The following RGN variants were observed in gnomAD, a reference collection of about 807,000 sequenced individuals.
The protein encoded by RGN is regucalcin.
RGN carries 19 observed loss-of-function variants against 20.6 expected under a neutral mutation model. The observed-to-expected ratio is 0.92, with a 90% CI of 0.64 to 1.35. The LOEUF (loss-of-function observed/expected upper bound fraction) is 1.35, where lower values mean the gene tolerates loss of function less well. Ranked by LOEUF, RGN falls within the 40% of genes most tolerant of loss-of-function variation. The pLI is 0.00. For synonymous variants in RGN, 85 were observed against 87.2 expected (o/e 0.97, Z 0.14); for missense variants, 302 against 232.7 (o/e 1.30, Z -1.94).
At chrX:47,090,905 GA>G (rs1556387334) in intron 5 of RGN, among the ~76,000 whole-genome samples, 41 of 38,623 alleles carry the variant, frequency 1.1e-3, no homozygotes, top group African/African-American at 3.1e-3. Context: ...AAGAAAGAAA[GA>G]AAGAAGAAGG....
At chrX:47,089,356 G>C (rs1395773802) in intron 4 of RGN, among the ~76,000 whole-genome samples, 38 of 5,164 alleles carry the variant, frequency 7.4e-3, no homozygotes, top group African/African-American at 0.015. Context: ...ATATATATAA[G>C]TATATATAAT....
At chrX:47,084,674 T>G in intron 4 of RGN, 74 bp downstream of exon 4, 1 of 946,117 alleles carries the variant, frequency 1.1e-6, no homozygotes, top group Non-Finnish European at 1.4e-6. Flanking sequence ...TTCTCACTAC[T>G]GACCAGGGTG....
intron 5 of RGN, among the ~76,000 whole-genome samples, chrX:47,090,819 C>A (rs781986437): frequency 9.9e-6 from 1 of 101,194 alleles, no homozygotes; most frequent in Non-Finnish European, 2.0e-5. Flanking sequence ...GCCGAGATCG[C>A]GCCACTGTAC....
In RGN at chrX:47,091,684, G is replaced by T. The variant is rs147490967; in HGVS notation, c.569G>T (p.Arg190Leu). The T allele has an allele frequency of 8.3e-6, 10 of 1,204,306 alleles. No homozygotes were observed. Among genetic ancestry groups the T allele is most frequent in the Non-Finnish European group, 1.0e-5 (9 of 893,284 alleles). ...YDLQTGQISN[R>L]RSVYKLEKEE... ...TTTTGCCTTTTAACCATAGCCAACC[G>T]CAGAAGTGTTTACAAGCTAGAAAAG... Residue 190 changes from arginine (R) to leucine (L), a missense_variant, in exon 6 of 8, where the codon CGC (arginine) becomes CTC (leucine). Transcript: ENST00000397180.
At chrX:47,088,251 T>A (rs1316320600) in intron 4 of RGN, among the ~76,000 whole-genome samples, 3 of 107,963 alleles carry the variant, frequency 2.8e-5, no homozygotes, top group Non-Finnish European at 5.7e-5. Context: ...TCTATGCTTG[T>A]TACTAGATAA....
intron 4 of RGN, 55 bp from the exon 5 acceptor site, chrX:47,089,721 C>T (rs1245915967): frequency 3.2e-6 from 3 of 927,236 alleles, no homozygotes; most frequent in East Asian, 3.2e-5. Flanking sequence ...AGGATGGTGT[C>T]GTGCATGGGG....
chrX:47,092,303 C>T lies in RGN; in HGVS notation c.849+88C>T. 7 of 793,995 alleles carry T rather than the reference C, an allele frequency of 8.8e-6. No homozygotes were observed. The South Asian group carries it at 1.4e-4, about 16-fold the overall frequency. 65.4% of individuals were successfully genotyped at this position (793,995 alleles called of 1,213,427 possible). A position where few individuals can be genotyped will look rare whatever the true frequency, so the allele number is the denominator to read the frequency against. On this transcript the variant is annotated intron_variant, in intron 7 of 7. Transcript: ENST00000397180. ...ACTGAGTGATTGGTACTTTTGCATA[C>T]TTCCAAAGCATAATCCTATTTAGCA...
At chrX:47,089,596 TATACACACAC>T (rs1377438370) in intron 4 of RGN, among the ~76,000 whole-genome samples, 170 bp from the exon 5 acceptor site, 1 of 38,876 alleles carries the variant, frequency 2.6e-5, no homozygotes, top group Non-Finnish European at 4.1e-5. Context: ...TATATATATA[TATACACACAC>T]ACACACACAC....
chrX:47,085,528 G>A (rs956582162), intron 4 of RGN, among the ~76,000 whole-genome samples: 4 of 110,257 alleles, frequency 3.6e-5, no homozygotes, highest in Non-Finnish European at 7.6e-5. Flanking sequence ...AAAAAAAAAA[G>A]AATAGTACAA....
At chrX:47,086,734 GGAGAGAGAGAGAGAGAGAGAGAGAGAGA>G (rs781935920) in intron 4 of RGN, among the ~76,000 whole-genome samples, 4 of 50,522 alleles carry the variant, frequency 7.9e-5, no homozygotes, top group Non-Finnish European at 1.2e-4. Context: ...AGTGATAACA[GGAGAGAGAGAGAGAGAGAGAGAGAGAGA>G]GAGAGAGAGA....
chrX:47,084,646 A>G (rs1556383466), intron 4 of RGN, 46 bp downstream of exon 4: 1 of 1,056,815 alleles, frequency 9.5e-7, no homozygotes, highest in South Asian at 2.2e-5. Flanking sequence ...CTTGGAGGAA[A>G]TACTTTGACA....
chrX:47,089,595 A>ATTT, intron 4 of RGN, among the ~76,000 whole-genome samples, 181 bp from the exon 5 acceptor site: 1 of 37,484 alleles, frequency 2.7e-5, no homozygotes, highest in Non-Finnish European at 4.2e-5. Flanking sequence ...ATATATATAT[A>ATTT]TATACACACA....
intron 4 of RGN, among the ~76,000 whole-genome samples, chrX:47,086,615 G>C (rs782191507): frequency 1.8e-5 from 2 of 109,353 alleles, no homozygotes; most frequent in African/African-American, 3.3e-5. Flanking sequence ...GCAGAGGTCT[G>C]AAAGATCCAC....
At chrX:47,092,267 AG>A in intron 7 of RGN, 52 bp downstream of exon 7, 1 of 1,013,587 alleles carries the variant, frequency 9.9e-7, no homozygotes. Flanking sequence ...AAATACTTAC[AG>A]GGGTAAGTAA....
chrX:47,079,885 TTTTA>T (rs1204786950), intron 1 of RGN, among the ~76,000 whole-genome samples: 8 of 111,219 alleles, frequency 7.2e-5, no homozygotes, highest in Non-Finnish European at 1.9e-5. Flanking sequence ...TGCAGGCCAT[TTTTA>T]TTTATTTATT....
At chrX:47,078,951 C>T (rs781799312) in intron 1 of RGN, among the ~76,000 whole-genome samples, 242 of 103,866 alleles carry the variant, frequency 2.3e-3, no homozygotes, top group Middle Eastern at 4.8e-3. Flanking sequence ...GCCCCCCACC[C>T]CCGCTTTTTT....
chrX:47,089,678 G>C (rs1930840705), intron 4 of RGN, 98 bp from the exon 5 acceptor site: 4 of 524,431 alleles, frequency 7.6e-6, no homozygotes, highest in Non-Finnish European at 8.9e-6. Flanking sequence ...GATTTCCTTT[G>C]ATTTAATCAC....
chrX:47,089,506 C>T (rs1457212864), intron 4 of RGN, among the ~76,000 whole-genome samples: 2 of 26,016 alleles, frequency 7.7e-5, no homozygotes, highest in Non-Finnish European at 1.3e-4. Context: ...ATTATATATA[C>T]TTATATATAC....
chrX:47,084,165 A>T (rs1347407416), intron 3 of RGN, among the ~76,000 whole-genome samples: 4 of 111,025 alleles, frequency 3.6e-5, no homozygotes, highest in African/African-American at 1.3e-4. Context: ...CTTTTCCCAC[A>T]AGACTGGGAG....
Sources: allele counts gnomAD v4.1 joint callset (sites outside exome capture counted in the v4.1 genomes callset), GRCh38; gene constraint gnomAD v4.1.1; transcripts MANE v1.5; gene names NCBI Gene and HGNC (gene_info 2026-07-23, HGNC 2026-07-21).